Variants in ROBO1 observed in about 807,000 individuals in gnomAD.
The protein encoded by ROBO1 is roundabout homolog 1.
A neutral mutation model predicts 195.9 loss-of-function variants in ROBO1; 149 were observed. The observed-to-expected ratio is 0.76, with a 90% CI of 0.67 to 0.87. The LOEUF (loss-of-function observed/expected upper bound fraction) is 0.87, where lower values mean the gene tolerates loss of function less well. ROBO1 is among the 40% of genes least tolerant of loss of function. ROBO1 has a pLI of 0.00. For synonymous variants in ROBO1, 816 were observed against 733.2 expected, an observed-to-expected ratio of 1.11 and a Z score of -1.82; for missense variants, 1,933 against 2,068.3, an observed-to-expected ratio of 0.93 and a Z score of 1.27.
intron 2 of ROBO1, among the ~76,000 whole-genome samples, chr3:79,288,651 T>A (rs962467623): frequency 9.9e-5 from 15 of 152,164 alleles, no homozygotes; most frequent in African/African-American, 3.6e-4. Flanking sequence ...ATTCAAAACC[T>A]CTGTTATTGG....
chr3:79,512,138 T>C (rs1940738815), intron 2 of ROBO1, among the ~76,000 whole-genome samples: 1 of 152,146 alleles, frequency 6.6e-6, no homozygotes, highest in African/African-American at 2.4e-5. Flanking sequence ...CAACCCACTT[T>C]TTCAGGAAGA....
intron 2 of ROBO1, among the ~76,000 whole-genome samples, chr3:79,128,906 T>C (rs1263852257): frequency 6.6e-6 from 1 of 152,174 alleles, no homozygotes; most frequent in Non-Finnish European, 1.5e-5. Context: ...TGACAGCTTG[T>C]TTCCCTCCCC....
At chr3:78,866,708 G>A (rs1283600763) in intron 4 of ROBO1, among the ~76,000 whole-genome samples, 2 of 152,018 alleles carry the variant, frequency 1.3e-5, no homozygotes, top group Non-Finnish European at 2.9e-5. Flanking sequence ...TAATCCTTGG[G>A]GAATACAGAC....
At chr3:78,800,497 A>G (rs1180615743) in intron 4 of ROBO1, among the ~76,000 whole-genome samples, 1 of 152,154 alleles carries the variant, frequency 6.6e-6, no homozygotes, top group Non-Finnish European at 1.5e-5. Context: ...CCGTAATACT[A>G]AAAATAATAC....
At chr3:79,710,737 C>G (rs1278108940) in intron 1 of ROBO1, among the ~76,000 whole-genome samples, 1 of 152,064 alleles carries the variant, frequency 6.6e-6, no homozygotes, top group Non-Finnish European at 1.5e-5. Flanking sequence ...AAAACTAGAT[C>G]AGAGTAGCAT....
At chr3:78,657,045 G>C in intron 18 of ROBO1, 53 bp downstream of exon 18, 1 of 1,493,246 alleles carries the variant, frequency 6.7e-7, no homozygotes, top group Non-Finnish European at 8.9e-7. Context: ...AAAGCAAAGT[G>C]GGACACATGG....
intron 4 of ROBO1, among the ~76,000 whole-genome samples, chr3:78,764,074 C>A (rs565870543): frequency 6.6e-6 from 1 of 151,908 alleles, no homozygotes; most frequent in Admixed American, 6.6e-5. Context: ...AAAAAGCAAA[C>A]GAAAATTTTA....
chr3:78,996,730 A>ACACG (rs1162843705), intron 3 of ROBO1, among the ~76,000 whole-genome samples: 3 of 152,054 alleles, frequency 2.0e-5, no homozygotes, highest in African/African-American at 7.2e-5. Context: ...ACACACACAC[A>ACACG]CCCCTTTTGA....
chr3:79,286,240 T>C (rs2031874986), intron 2 of ROBO1, among the ~76,000 whole-genome samples: 1 of 152,224 alleles, frequency 6.6e-6, no homozygotes, highest in Admixed American at 6.5e-5. Flanking sequence ...CTTCTTTCTT[T>C]ATGGACATTT....
intron 4 of ROBO1, among the ~76,000 whole-genome samples, chr3:78,803,632 T>C (rs1477820683): frequency 6.6e-6 from 1 of 152,106 alleles, no homozygotes; most frequent in African/African-American, 2.4e-5. Context: ...GACAGTTCCA[T>C]GAAACAACAA....
intron 4 of ROBO1, among the ~76,000 whole-genome samples, chr3:78,912,340 T>C (rs925042061): frequency 3.3e-5 from 5 of 152,090 alleles, no homozygotes; most frequent in Admixed American, 6.6e-5. Flanking sequence ...TGAGACTACA[T>C]TGAAAAAGAT....
chr3:79,567,072 C>A (rs759353801), intron 2 of ROBO1, among the ~76,000 whole-genome samples: 1 of 152,002 alleles, frequency 6.6e-6, no homozygotes, highest in African/African-American at 2.4e-5. Context: ...ACTATGCAGC[C>A]GTAAAAAGAA....
intron 2 of ROBO1, among the ~76,000 whole-genome samples, chr3:79,179,714 G>A (rs976481203): frequency 6.6e-6 from 1 of 152,126 alleles, no homozygotes; most frequent in Non-Finnish European, 1.5e-5. Flanking sequence ...TACTTTTGAA[G>A]CTTGTTTCAG....
chr3:79,745,392 T>A (rs151241968), intron 1 of ROBO1, among the ~76,000 whole-genome samples: 4 of 152,302 alleles, frequency 2.6e-5, no homozygotes, highest in East Asian at 3.9e-4. Flanking sequence ...TTTAAAAAAA[T>A]AGGAGAAACA....
At chr3:78,705,228 G>A (rs1017333927) in intron 8 of ROBO1, among the ~76,000 whole-genome samples, 3 of 152,066 alleles carry the variant, frequency 2.0e-5, no homozygotes, top group Admixed American at 6.6e-5. Flanking sequence ...AATCTCTATG[G>A]ACAAAATAAC....
intron 4 of ROBO1, among the ~76,000 whole-genome samples, chr3:78,750,478 T>G: frequency 6.8e-6 from 1 of 146,792 alleles, no homozygotes; most frequent in African/African-American, 2.5e-5. Context: ...AATAAATAAA[T>G]AAATAAATAA....
At chr3:79,750,454 G>A (rs1236307421) in intron 1 of ROBO1, among the ~76,000 whole-genome samples, 1 of 152,158 alleles carries the variant, frequency 6.6e-6, no homozygotes, top group Non-Finnish European at 1.5e-5. Flanking sequence ...ATGAGATTTG[G>A]GAGGGGCCAG....
intron 22 of ROBO1, among the ~76,000 whole-genome samples, chr3:78,636,550 A>T (rs1027273140): frequency 2.0e-5 from 3 of 152,072 alleles, no homozygotes; most frequent in African/African-American, 7.2e-5. Context: ...ATCCAAAGGA[A>T]AAAACTATTC....
intron 3 of ROBO1, among the ~76,000 whole-genome samples, chr3:79,005,423 C>T (rs1194129500): frequency 1.3e-5 from 2 of 152,052 alleles, no homozygotes; most frequent in African/African-American, 4.8e-5. Flanking sequence ...CATTCAGACA[C>T]AAAAACAAAT....
Sources: gnomAD v4.1 joint callset for allele counts (sites outside exome capture counted in the v4.1 genomes callset) on GRCh38, gnomAD v4.1.1 for gene constraint, MANE v1.5 for transcripts, NCBI Gene and HGNC (gene_info 2026-07-23, HGNC 2026-07-21) for gene names.